Variants in MAST4 observed in about 807,000 individuals in gnomAD.
MAST4 encodes microtubule-associated serine/threonine-protein kinase 4.
A neutral mutation model predicts 162.7 loss-of-function variants in MAST4; 89 were observed. That is an observed-to-expected ratio of 0.55 (90% CI 0.46 to 0.65). The LOEUF is 0.65. MAST4 is among the 30% of genes least tolerant of loss of function. The probability of loss-of-function intolerance (pLI) is 0.00; values close to 1 mark genes in which losing one functional copy is unlikely to be tolerated. For missense variants in MAST4, 3,153 were observed against 3,374.0 expected, an observed-to-expected ratio of 0.93 and a Z score of 1.62; for synonymous variants, 1,479 against 1,361.1, an observed-to-expected ratio of 1.09 and a Z score of -1.91.
chr5:66,867,882 G>A (rs1309427157), intron 3 of MAST4, among the ~76,000 whole-genome samples: 1 of 152,208 alleles, frequency 6.6e-6, no homozygotes, highest in African/African-American at 2.4e-5. Flanking sequence ...AGTGATACCA[G>A]GAGACTGATA....
chr5:66,788,048 T>C (rs921536127), intron 2 of MAST4, among the ~76,000 whole-genome samples: 1 of 152,198 alleles, frequency 6.6e-6, no homozygotes, highest in African/African-American at 2.4e-5. Context: ...TATGTATATA[T>C]TAGAGTTCAA....
intron 3 of MAST4, among the ~76,000 whole-genome samples, chr5:66,895,524 T>G (rs527238039): frequency 6.6e-6 from 1 of 152,202 alleles, no homozygotes; most frequent in East Asian, 1.9e-4. Flanking sequence ...AGCTGAACTG[T>G]TTTTCCATCA....
intron 3 of MAST4, chr5:66,789,726 A>T (rs1365961360): frequency 1.9e-6 from 1 of 518,744 alleles, no homozygotes. Context: ...TGATTTCTCC[A>T]CTGTAGTTAC....
chr5:66,929,147 A>C (rs986325975), intron 4 of MAST4, among the ~76,000 whole-genome samples: 40 of 152,194 alleles, frequency 2.6e-4, no homozygotes, highest in African/African-American at 9.2e-4. Flanking sequence ...CAAGTCTGAA[A>C]GCCTCAGATG....
intron 3 of MAST4, among the ~76,000 whole-genome samples, chr5:66,791,204 G>A (rs61570328): frequency 0.3 from 45,903 of 152,022 alleles, 7,499 homozygotes; most frequent in Non-Finnish European, 0.37. Flanking sequence ...TTGCATTTTT[G>A]GTAGAGACGG....
At position 66,886,756 on chromosome 5, in the gene MAST4, A is replaced by G. The variant is rs538671039; in HGVS notation, c.643-13195A>G. Among the ~76,000 whole-genome samples, 4 of 151,098 alleles carry G rather than the reference A, an allele frequency of 2.6e-5. No individual in the cohort carries two copies. In the South Asian group the frequency reaches 8.4e-4, roughly 32 times the overall value. On this transcript the variant is annotated intron_variant, in intron 3 of 28. Transcript: ENST00000403625. ...AGAAACTAAAGTGAAAACCACCTAA[A>G]TTCATCCATACGTTGCAGATGGCTG...
chr5:66,802,902 A>C (rs1755992481), intron 3 of MAST4, among the ~76,000 whole-genome samples: 1 of 151,982 alleles, frequency 6.6e-6, no homozygotes, highest in Admixed American at 6.6e-5. Flanking sequence ...ATTTTTATTC[A>C]GTGGTTTGGA....
intron 3 of MAST4, chr5:66,870,981 T>A: frequency 7.9e-6 from 3 of 378,446 alleles, no homozygotes; most frequent in South Asian, 5.9e-5. Flanking sequence ...TTGAGAGGAG[T>A]CAAAGTCTTC....
At chr5:67,069,287 GATATAT>G (rs6149054) in intron 5 of MAST4, among the ~76,000 whole-genome samples, 3,509 of 107,626 alleles carry the variant, frequency 0.033, 220 homozygotes, top group East Asian at 0.2. Context: ...GAGGAGATTG[GATATAT>G]ATATATATAT....
intron 1 of MAST4, among the ~76,000 whole-genome samples, chr5:66,758,752 T>A (rs572947365): frequency 6.6e-6 from 1 of 152,224 alleles, no homozygotes; most frequent in Non-Finnish European, 1.5e-5. Flanking sequence ...CAAATCTCAG[T>A]GAAGCGGCTC....
chr5:66,966,213 T>A (rs1746713681), intron 4 of MAST4, among the ~76,000 whole-genome samples: 1 of 152,228 alleles, frequency 6.6e-6, no homozygotes, highest in African/African-American at 2.4e-5. Flanking sequence ...CATACACATG[T>A]TGCTCTGAGA....
chr5:66,730,111 A>G (rs1751751452), intron 1 of MAST4, among the ~76,000 whole-genome samples: 1 of 152,206 alleles, frequency 6.6e-6, no homozygotes, highest in Non-Finnish European at 1.5e-5. Flanking sequence ...GGATGCCTAC[A>G]TGGGCTTGAA....
intron 3 of MAST4, among the ~76,000 whole-genome samples, chr5:66,805,533 C>T (rs1053059682): frequency 1.1e-4 from 16 of 152,152 alleles, no homozygotes; most frequent in Middle Eastern, 3.2e-3. Flanking sequence ...AAAAAATCAT[C>T]CCTTGTGAAA....
intron 3 of MAST4, among the ~76,000 whole-genome samples, chr5:66,869,329 C>G (rs1760758077): frequency 1.3e-5 from 2 of 152,136 alleles, no homozygotes; most frequent in South Asian, 4.1e-4. Context: ...ACTCTTGATT[C>G]TATGGAAATG....
intron 3 of MAST4, chr5:66,792,422 G>A (rs1755456419): frequency 6.0e-6 from 1 of 166,776 alleles, no homozygotes; most frequent in Non-Finnish European, 1.5e-5. Flanking sequence ...AGCCCCTTGA[G>A]GGCAGAATTC....
At chr5:66,836,240 GA>G (rs1006664479) in intron 3 of MAST4, among the ~76,000 whole-genome samples, 2 of 151,962 alleles carry the variant, frequency 1.3e-5, no homozygotes, top group African/African-American at 4.8e-5. Flanking sequence ...AGTGTCAAGT[GA>G]AAAAAAGAGC....
intron 3 of MAST4, among the ~76,000 whole-genome samples, chr5:66,808,641 C>A (rs1756324003): frequency 6.6e-6 from 1 of 152,170 alleles, no homozygotes; most frequent in South Asian, 2.1e-4. Context: ...CAGATCAGGG[C>A]CAGGGCACAA....
intron 2 of MAST4, among the ~76,000 whole-genome samples, chr5:66,786,277 T>A (rs1381882594): frequency 6.6e-6 from 1 of 152,148 alleles, no homozygotes; most frequent in African/African-American, 2.4e-5. Flanking sequence ...CCCAAGTTTT[T>A]TTTTTTTTAA....
At chr5:66,838,161 A>T (rs1179121449) in intron 3 of MAST4, among the ~76,000 whole-genome samples, 1 of 151,912 alleles carries the variant, frequency 6.6e-6, no homozygotes, top group Admixed American at 6.6e-5. Flanking sequence ...GGTTTCCATT[A>T]GAAAACCACC....
Sources: allele counts gnomAD v4.1 joint callset (sites outside exome capture counted in the v4.1 genomes callset), GRCh38; gene constraint gnomAD v4.1.1; transcripts MANE v1.5; gene names NCBI Gene and HGNC (gene_info 2026-07-23, HGNC 2026-07-21).